Variants in RBM26 observed in about 807,000 individuals in gnomAD.
RBM26 encodes RNA-binding protein 26.
In RBM26, 30 loss-of-function variants were observed where a neutral mutation model predicts 123.6. That is an observed-to-expected ratio of 0.24 (90% CI 0.18 to 0.33). The LOEUF (loss-of-function observed/expected upper bound fraction) is 0.33. RBM26 is among the 10% of genes least tolerant of loss of function. The pLI, the probability that RBM26 is intolerant of heterozygous loss-of-function variation, is 1.00. For missense variants in RBM26, 947 were observed against 1,203.6 expected, an observed-to-expected ratio of 0.79 and a Z score of 3.15; for synonymous variants, 400 against 404.4, an observed-to-expected ratio of 0.99 and a Z score of 0.13.
chr13:79,384,468 G>A (rs1235272974), intron 1 of RBM26, among the ~76,000 whole-genome samples: 1 of 152,038 alleles, frequency 6.6e-6, no homozygotes, highest in Non-Finnish European at 1.5e-5. Context: ...TGTTGACCAG[G>A]CTGGTTTCGA....
At chr13:79,380,910 T>C (rs74813313) in intron 1 of RBM26, among the ~76,000 whole-genome samples, 1 of 152,066 alleles carries the variant, frequency 6.6e-6, no homozygotes, top group Non-Finnish European at 1.5e-5. Flanking sequence ...CAATTAACAA[T>C]GTCAGGACGG....
chr13:79,336,087 T>G (rs573813645), intron 19 of RBM26, among the ~76,000 whole-genome samples: 1 of 152,304 alleles, frequency 6.6e-6, no homozygotes, highest in East Asian at 1.9e-4. Flanking sequence ...TATCTGTAAC[T>G]GCTGCAAGCC....
intron 1 of RBM26, 109 bp downstream of exon 1, chr13:79,405,595 G>GT: frequency 1.5e-6 from 1 of 656,502 alleles, no homozygotes; most frequent in South Asian, 2.6e-5. Flanking sequence ...TGGGACCTCC[G>GT]TTCACCGCTT....
At chr13:79,358,575 T>A (rs1236197340) in intron 10 of RBM26, 142 bp from the exon 11 acceptor site, 8 of 688,950 alleles carry the variant, frequency 1.2e-5, no homozygotes, top group Non-Finnish European at 1.9e-5. Flanking sequence ...AAAGGAAATT[T>A]AAATTTTCTT....
chr13:79,361,669 T>G (rs1265460067), intron 9 of RBM26, among the ~76,000 whole-genome samples: 2 of 152,188 alleles, frequency 1.3e-5, no homozygotes, highest in African/African-American at 4.8e-5. Flanking sequence ...TTATATTCCC[T>G]GGGTTTTTAG....
At chr13:79,375,070 TTTATATGATA>T (rs2076524410) in intron 3 of RBM26, among the ~76,000 whole-genome samples, 2 of 128,320 alleles carry the variant, frequency 1.6e-5, no homozygotes, top group Non-Finnish European at 3.4e-5. Flanking sequence ...TTTTTATATA[TTTATATGATA>T]TATATAAATA....
intron 9 of RBM26, among the ~76,000 whole-genome samples, chr13:79,364,680 C>T (rs2075070385): frequency 6.6e-6 from 1 of 151,912 alleles, no homozygotes; most frequent in Non-Finnish European, 1.5e-5. Context: ...TCTAGTGTAG[C>T]ACTCTAGATG....
At chr13:79,392,321 A>G (rs2078160385) in intron 1 of RBM26, among the ~76,000 whole-genome samples, 1 of 142,072 alleles carries the variant, frequency 7.0e-6, no homozygotes, top group African/African-American at 2.6e-5. Flanking sequence ...GTAATATATA[A>G]TTAGTAATTA....
chr13:79,317,945 T>TGGCTTTGTGATAAGCAC (rs2067297985), downstream of RBM26, among the ~76,000 whole-genome samples: 1 of 151,720 alleles, frequency 6.6e-6, no homozygotes, highest in Non-Finnish European at 1.5e-5. Flanking sequence ...ACTATAAGCC[T>TGGCTTTGTGATAAGCAC]GGCTTTGTGA....
chr13:79,399,263 GTCT>G (rs2078861068), intron 1 of RBM26, among the ~76,000 whole-genome samples: 1 of 152,278 alleles, frequency 6.6e-6, no homozygotes, highest in African/African-American at 2.4e-5. Flanking sequence ...GAATCAAAAT[GTCT>G]TCTTTTGGAT....
chr13:79,379,545 A>T (rs919921637), intron 1 of RBM26, among the ~76,000 whole-genome samples: 1 of 151,032 alleles, frequency 6.6e-6, no homozygotes, highest in Admixed American at 6.6e-5. Context: ...CCCTATCTCA[A>T]AAAAAAAAGA....
At chr13:79,373,287 T>C (rs2076192952) in intron 3 of RBM26, among the ~76,000 whole-genome samples, 1 of 108,330 alleles carries the variant, frequency 9.2e-6, no homozygotes, top group Non-Finnish European at 1.7e-5. Flanking sequence ...TTTATATATT[T>C]ATATATAAAT....
At chr13:79,373,952 G>GA (rs1262267280) in intron 3 of RBM26, among the ~76,000 whole-genome samples, 3 of 117,884 alleles carry the variant, frequency 2.5e-5, no homozygotes, top group Non-Finnish European at 5.0e-5. Context: ...GGAACGACAG[G>GA]AATCACTGTT....
At chr13:79,366,299 A>G (rs1734259836) in intron 7 of RBM26, 104 bp from the exon 8 acceptor site, 1 of 1,211,984 alleles carries the variant, frequency 8.3e-7, no homozygotes, top group Non-Finnish European at 1.2e-6. Context: ...TATAATATCT[A>G]CAAACACCAA....
intron 8 of RBM26, 71 bp downstream of exon 8, chr13:79,365,984 C>T: frequency 6.9e-7 from 1 of 1,459,716 alleles, no homozygotes; most frequent in Admixed American, 1.8e-5. Flanking sequence ...GAGCAATTCT[C>T]TCTAGACATT....
intron 1 of RBM26, among the ~76,000 whole-genome samples, chr13:79,391,733 CTA>C (rs1216481903): frequency 6.6e-6 from 1 of 151,904 alleles, no homozygotes; most frequent in African/African-American, 2.4e-5. Flanking sequence ...CGAAGCATTT[CTA>C]TATTAGAAAA....
At chr13:79,356,867 TA>T (rs1156387740) in intron 11 of RBM26, among the ~76,000 whole-genome samples, 4 of 152,086 alleles carry the variant, frequency 2.6e-5, no homozygotes, top group East Asian at 1.9e-4. Context: ...CCCTCAGCTT[TA>T]AAAAAAATTT....
chr13:79,377,276 G>T (rs1377140173), intron 3 of RBM26, 103 bp downstream of exon 3: 1 of 871,730 alleles, frequency 1.1e-6, no homozygotes, highest in East Asian at 2.5e-5. Context: ...AACTGGGAGT[G>T]GTCCTGAGGA....
chr13:79,337,198 A>ACCTCGCCCTCGC lies in RBM26; in HGVS notation c.2625_2636dup (p.Arg876_Gly879dup). On this transcript the variant is annotated inframe_insertion, in exon 19 of 22. Transcript: ENST00000438737. The stretch of plus-strand genomic sequence containing the variant: ...GATCCACCACAGCATGACCAGGCAC[A>ACCTCGCCCTCGC]CCTCGCCCTCGCCCTCGCCCCCTGC... The ACCTCGCCCTCGC allele has an allele frequency of 6.2e-7, 1 of 1,614,012 alleles. No individual in the cohort carries two copies. The highest frequency in any genetic ancestry group is 8.5e-7 in the Non-Finnish European group (1 of 1,179,992).
Sources: allele counts gnomAD v4.1 joint callset (sites outside exome capture counted in the v4.1 genomes callset), GRCh38; gene constraint gnomAD v4.1.1; transcripts MANE v1.5; gene names NCBI Gene and HGNC (gene_info 2026-07-23, HGNC 2026-07-21).